RGS12: variants seen among roughly 807,000 people sequenced by gnomAD.
RGS12 encodes regulator of G-protein signaling 12.
Under a neutral mutation model 120.1 loss-of-function variants are expected in RGS12, and 66 were observed. The ratio of observed to expected loss-of-function variants is 0.55; its 90% confidence interval spans 0.45 to 0.67. The LOEUF (loss-of-function observed/expected upper bound fraction) is 0.67, where lower values mean the gene tolerates loss of function less well. Among genes scored for constraint, RGS12 ranks in the 30% least tolerant of loss-of-function variants. The pLI, the probability that RGS12 is intolerant of heterozygous loss-of-function variation, is 0.00. For missense variants in RGS12, 1,859 were observed against 1,957.7 expected (o/e 0.95, Z 0.95); for synonymous variants, 827 against 804.7 (o/e 1.03, Z -0.47).
chr4:3,320,410 T>TA (rs1725098733), intron 2 of RGS12, among the ~76,000 whole-genome samples: 1 of 152,150 alleles, frequency 6.6e-6, no homozygotes, highest in African/African-American at 2.4e-5. Flanking sequence ...GGGTTGGAAA[T>TA]AACGGTGTGG....
intron 3 of RGS12, among the ~76,000 whole-genome samples, chr4:3,350,695 AC>A (rs1438330221): frequency 1.1e-4 from 16 of 146,590 alleles, no homozygotes; most frequent in African/African-American, 4.1e-4. Flanking sequence ...AAAACAAAAA[AC>A]AAAAAAAACA....
chr4:3,294,951 C>T (rs765138247), intron 1 of RGS12, among the ~76,000 whole-genome samples: 55 of 152,018 alleles, frequency 3.6e-4, no homozygotes, highest in Non-Finnish European at 4.4e-4. Context: ...AGGGGTGGCG[C>T]GGCCTGAGGG....
intron 3 of RGS12, chr4:3,370,095 G>C (rs1035320609): frequency 5.9e-6 from 8 of 1,365,112 alleles, no homozygotes; most frequent in Non-Finnish European, 4.7e-6. Context: ...TTGAGATAGA[G>C]TCTGAAACCC....
intron 3 of RGS12, among the ~76,000 whole-genome samples, chr4:3,373,469 T>C (rs1717270026): frequency 6.6e-6 from 1 of 152,232 alleles, no homozygotes; most frequent in Non-Finnish European, 1.5e-5. Flanking sequence ...TAGCATGAGC[T>C]TGGTGGGCCA....
rs142584426 is a variant in RGS12, at chr4:3,388,040, G to A, written c.2020+1603G>A. Among the ~76,000 whole-genome samples the A allele has an allele frequency of 9.9e-5, 15 of 152,106 alleles. No homozygotes were observed. The East Asian group carries it at 2.5e-3, about 26-fold the overall frequency. On this transcript the variant is annotated intron_variant, in intron 4 of 17. Coordinates refer to ENST00000336727, the MANE Select transcript of RGS12 (RefSeq NM_001394154.1). The stretch of plus-strand genomic sequence containing the variant: ...GAAGTGTGTCCTGGCTCCTCGCCAC[G>A]CTGGCTCTGTGTGTCCCTCTGAGGA...
chr4:3,327,805 A>G (rs1447549885), intron 2 of RGS12, among the ~76,000 whole-genome samples: 1 of 152,126 alleles, frequency 6.6e-6, no homozygotes, highest in Non-Finnish European at 1.5e-5. Context: ...AATTAGTACA[A>G]CCTCCATGGA....
chr4:3,342,610 C>A lies in RGS12; in HGVS notation c.1882-327C>A, dbSNP rs118079882. 1,460 of 1,319,842 alleles carry A rather than the reference C, an allele frequency of 1.1e-3. 62 individuals are homozygous for A. In the East Asian group the frequency reaches 0.058, roughly 52 times the overall value. 81.8% of individuals were successfully genotyped at this position (1,319,842 alleles called of 1,614,324 possible). On this transcript the variant is annotated intron_variant, in intron 2 of 17. Transcript: ENST00000336727. ...TGTCCACTTTCCAAGCACCCTTGCA[C>A]GTGATTTCATTTGATCTGGGTAACA...
intron 2 of RGS12, among the ~76,000 whole-genome samples, chr4:3,321,553 G>A (rs74332583): frequency 1.9e-3 from 292 of 151,880 alleles, no homozygotes; most frequent in African/African-American, 6.6e-3. Context: ...ACAGTGCCCC[G>A]TTAGGCTACC....
rs117651370 is a variant in RGS12, at chr4:3,419,758, C to T, written c.2762-884C>T. Reference sequence around the variant, plus strand: ...ATTGCTTGGGTCCTGGAGTTGGAGGCTGCAGTGAGCTATGATTGTGCCACT... The same window carrying T: ...ATTGCTTGGGTCCTGGAGTTGGAGGTTGCAGTGAGCTATGATTGTGCCACT... On this transcript the variant is annotated intron_variant, in intron 9 of 17. Coordinates refer to ENST00000336727, the MANE Select transcript of RGS12 (RefSeq NM_001394154.1). 4.6e-3 allele frequency among the ~76,000 whole-genome samples: 698 copies of T among 151,984 alleles called. 4 individuals carry two copies. The highest frequency in any genetic ancestry group is 7.7e-3 in the Non-Finnish European group (521 of 67,944).
At chr4:3,345,384 C>G (rs1305170393) in intron 3 of RGS12, among the ~76,000 whole-genome samples, 1 of 152,218 alleles carries the variant, frequency 6.6e-6, no homozygotes, top group African/African-American at 2.4e-5. Context: ...TTCTTTCTGA[C>G]AACTTTCACA....
chr4:3,342,872 C>A, intron 2 of RGS12, 65 bp from the exon 3 acceptor site: 2 of 1,028,616 alleles, frequency 1.9e-6, no homozygotes, highest in Non-Finnish European at 3.1e-6. Context: ...CTATGCCATG[C>A]ATTGGACAAG....
intron 10 of RGS12, 58 bp downstream of exon 10, chr4:3,420,776 G>C: frequency 7.4e-7 from 1 of 1,348,048 alleles, no homozygotes; most frequent in Non-Finnish European, 1.0e-6. Flanking sequence ...CCAGCTGACT[G>C]ATGACACCTC....
At chr4:3,427,156 C>T (rs1290764796) in intron 14 of RGS12, among the ~76,000 whole-genome samples, 1 of 152,218 alleles carries the variant, frequency 6.6e-6, no homozygotes, top group Non-Finnish European at 1.5e-5. Flanking sequence ...TGGGCCCTGA[C>T]ACCCACCCAG....
intron 3 of RGS12, among the ~76,000 whole-genome samples, chr4:3,370,535 C>T (rs1295072809): frequency 6.6e-6 from 1 of 152,262 alleles, no homozygotes; most frequent in South Asian, 2.1e-4. Flanking sequence ...CCGGGCCCGA[C>T]ACACCCGGCC....
chr4:3,429,211 C>T (rs768589043), intron 16 of RGS12, among the ~76,000 whole-genome samples: 2 of 152,254 alleles, frequency 1.3e-5, no homozygotes, highest in Non-Finnish European at 2.9e-5. Flanking sequence ...ACACCCCTGG[C>T]CTCCAGGAGA....
chr4:3,402,686 G>T (rs557682575), intron 4 of RGS12, among the ~76,000 whole-genome samples: 1 of 152,154 alleles, frequency 6.6e-6, no homozygotes, highest in East Asian at 1.9e-4. Flanking sequence ...TCCTCTGGTG[G>T]GGCCAAGCCA....
intron 1 of RGS12, among the ~76,000 whole-genome samples, chr4:3,295,352 A>G (rs544841558): frequency 1.0e-3 from 152 of 152,140 alleles, no homozygotes; most frequent in Middle Eastern, 6.8e-3. Flanking sequence ...TTTGTCTGAG[A>G]CTGACCAAGC....
intron 3 of RGS12, among the ~76,000 whole-genome samples, chr4:3,382,534 G>C (rs1718368549): frequency 6.6e-6 from 1 of 152,218 alleles, no homozygotes; most frequent in Admixed American, 6.5e-5. Context: ...AGTCTTGCTG[G>C]CTTGCATTAG....
At chr4:3,351,863 A>G (rs1485145777) in intron 3 of RGS12, among the ~76,000 whole-genome samples, 4 of 152,150 alleles carry the variant, frequency 2.6e-5, no homozygotes, top group African/African-American at 9.7e-5. Flanking sequence ...AGAAAATCCT[A>G]TAATTCCTGT....
Sources: allele counts gnomAD v4.1 joint callset (sites outside exome capture counted in the v4.1 genomes callset), GRCh38; gene constraint gnomAD v4.1.1; transcripts MANE v1.5; gene names NCBI Gene and HGNC (gene_info 2026-07-23, HGNC 2026-07-21).